The following ASTN1 variants were observed in gnomAD, a reference collection of about 807,000 sequenced individuals.
ASTN1 encodes the protein astrotactin 1, also known as astrotactin-1.
Under a neutral mutation model 140.7 loss-of-function variants are expected in ASTN1, and 41 were observed. The observed-to-expected ratio is 0.29, with a 90% CI of 0.23 to 0.38. The LOEUF (loss-of-function observed/expected upper bound fraction) is 0.38, where lower values mean the gene tolerates loss of function less well. ASTN1 is among the 10% of genes least tolerant of loss of function. ASTN1 has a pLI of 1.00. For synonymous variants in ASTN1, 640 were observed against 652.2 expected, an observed-to-expected ratio of 0.98 and a Z score of 0.29; for missense variants, 1,479 against 1,678.8, an observed-to-expected ratio of 0.88 and a Z score of 2.08.
chr1:176,957,699 C>T lies in ASTN1; in HGVS notation c.1866G>A (p.Lys622=), dbSNP rs149550220. 8.7e-6 allele frequency: 14 copies of T among 1,613,948 alleles called. No homozygotes were observed. The highest frequency in any genetic ancestry group is 1.7e-5 in the Admixed American group (1 of 60,002). ...SKNFRCISDR[K]LDSTGCVCPS... ...CTACCACGCAACCAGTGGAGTCCAG[C>T]TTGCGATCTGAAATACAGCGGAAAT... Residue 622 remains lysine, a synonymous_variant, in exon 11 of 23, where the codon AAG becomes AAA. Transcript: ENST00000361833.
chr1:177,065,170 C>T (rs1271020702), intron 1 of ASTN1, among the ~76,000 whole-genome samples: 3 of 152,186 alleles, frequency 2.0e-5, no homozygotes, highest in Non-Finnish European at 2.9e-5. Flanking sequence ...CGAGATCCTA[C>T]TCAGTCATCT....
chr1:177,069,211 T>A (rs1189864534), intron 1 of ASTN1, among the ~76,000 whole-genome samples: 2 of 152,110 alleles, frequency 1.3e-5, no homozygotes, highest in Admixed American at 6.5e-5. Context: ...ATCACCCACA[T>A]ATAGATGCTT....
At chr1:177,101,463 T>G (rs1027910965) in intron 1 of ASTN1, among the ~76,000 whole-genome samples, 1 of 152,140 alleles carries the variant, frequency 6.6e-6, no homozygotes, top group Non-Finnish European at 1.5e-5. Flanking sequence ...CCACAAAAAG[T>G]TTGCTTTGTA....
chr1:176,870,863 G>A (rs929072071), intron 21 of ASTN1, among the ~76,000 whole-genome samples: 1 of 152,156 alleles, frequency 6.6e-6, no homozygotes, highest in African/African-American at 2.4e-5. Context: ...TGATTGCCAA[G>A]AACTTTGCAC....
At chr1:176,975,157 T>C (rs1195546587) in intron 8 of ASTN1, among the ~76,000 whole-genome samples, 1 of 152,218 alleles carries the variant, frequency 6.6e-6, no homozygotes, top group African/African-American at 2.4e-5. Flanking sequence ...CTTGAGTGGG[T>C]CAGAAAAAGC....
intron 14 of ASTN1, 146 bp from the exon 15 acceptor site, chr1:176,936,516 T>G (rs1238538947): frequency 1.0e-5 from 7 of 676,330 alleles, no homozygotes; most frequent in Non-Finnish European, 1.7e-5. Context: ...TCTGGAACCA[T>G]AGTAACAACA....
chr1:177,005,067 G>T (rs1395881251), intron 8 of ASTN1, among the ~76,000 whole-genome samples: 1 of 152,050 alleles, frequency 6.6e-6, no homozygotes, highest in African/African-American at 2.4e-5. Flanking sequence ...TACAGAATGG[G>T]AGAAAATATT....
chr1:176,986,036 C>A (rs989078344), intron 8 of ASTN1, among the ~76,000 whole-genome samples: 2 of 152,112 alleles, frequency 1.3e-5, no homozygotes, highest in African/African-American at 4.8e-5. Context: ...TGAGAACTGC[C>A]TCCTGCGCCC....
At position 176,864,289 on chromosome 1, in the gene ASTN1, T is replaced by G. The variant is rs774165665; in HGVS notation, c.3880A>C (p.Ile1294Leu). 1 of 1,613,956 alleles carries G rather than the reference T, an allele frequency of 6.2e-7. No individual in the cohort carries two copies. The change falls in exon 23 of 23, where the codon ATC (isoleucine) becomes CTC (leucine). Residue 1294 changes from isoleucine to leucine, a missense_variant. By Grantham distance (5) the Ile-to-Leu change is conservative. Coordinates refer to ENST00000361833, the MANE Select transcript of ASTN1 (RefSeq NM_004319.3). ...PYNDYGDSKE[I>L] ...AGCTCCCTGGCCTTATGGTGCTAGA[T>G]CTCTTTGCTGTCCCCATAGTCGTTG...
chr1:177,031,895 C>A (rs1676462429), intron 3 of ASTN1, among the ~76,000 whole-genome samples: 1 of 152,174 alleles, frequency 6.6e-6, no homozygotes, highest in South Asian at 2.1e-4. Context: ...TCCATAGATA[C>A]ACAATGCATC....
chr1:177,114,154 A>G (rs915182418), intron 1 of ASTN1, among the ~76,000 whole-genome samples: 4 of 152,188 alleles, frequency 2.6e-5, no homozygotes, highest in Non-Finnish European at 5.9e-5. Context: ...CCTCACTTTG[A>G]AATTACTAAC....
At chr1:176,938,014 A>C (rs570054551) in intron 14 of ASTN1, among the ~76,000 whole-genome samples, 13 of 152,332 alleles carry the variant, frequency 8.5e-5, no homozygotes, top group South Asian at 4.1e-4. Context: ...AAAAGAAAAA[A>C]GGTCAGGAAA....
At chr1:176,908,493 C>G (rs994994180) in intron 16 of ASTN1, among the ~76,000 whole-genome samples, 6 of 152,144 alleles carry the variant, frequency 3.9e-5, no homozygotes, top group Non-Finnish European at 7.4e-5. Context: ...ATATCATATC[C>G]CAGGCCAACC....
intron 18 of ASTN1, among the ~76,000 whole-genome samples, chr1:176,886,720 G>T (rs556622291): frequency 6.6e-6 from 1 of 152,028 alleles, no homozygotes; most frequent in Non-Finnish European, 1.5e-5. Context: ...GTGCCTACCC[G>T]CACCTGCATG....
At chr1:177,141,470 G>GA (rs66494741) in intron 1 of ASTN1, among the ~76,000 whole-genome samples, 9 of 151,538 alleles carry the variant, frequency 5.9e-5, no homozygotes, top group Admixed American at 1.3e-4. Flanking sequence ...GAATATGGGG[G>GA]AAAAAAAACT....
intron 9 of ASTN1, among the ~76,000 whole-genome samples, chr1:176,959,485 A>G (rs1672560045): frequency 6.6e-6 from 1 of 152,036 alleles, no homozygotes; most frequent in Non-Finnish European, 1.5e-5. Context: ...CTGAAATTCT[A>G]GGAAACCAGA....
intron 1 of ASTN1, among the ~76,000 whole-genome samples, chr1:177,111,075 A>G (rs1680803032): frequency 6.6e-6 from 1 of 152,176 alleles, no homozygotes; most frequent in African/African-American, 2.4e-5. Context: ...GTGGCAGGAT[A>G]TTTAATTCAA....
At chr1:177,103,523 A>T (rs1438018295) in intron 1 of ASTN1, among the ~76,000 whole-genome samples, 1 of 152,154 alleles carries the variant, frequency 6.6e-6, no homozygotes, top group Non-Finnish European at 1.5e-5. Context: ...TGGATTTTAC[A>T]TGGGAACAGG....
chr1:176,906,660 C>G (rs1670015736), intron 16 of ASTN1, among the ~76,000 whole-genome samples: 1 of 151,904 alleles, frequency 6.6e-6, no homozygotes, highest in Admixed American at 6.6e-5. Flanking sequence ...TCAAGACCAG[C>G]CTGGCCGACA....
Sources: gnomAD v4.1 joint callset for allele counts (sites outside exome capture counted in the v4.1 genomes callset) on GRCh38, gnomAD v4.1.1 for gene constraint, MANE v1.5 for transcripts, NCBI Gene and HGNC (gene_info 2026-07-23, HGNC 2026-07-21) for gene names.